LDHB: variants seen among roughly 807,000 people sequenced by gnomAD.
LDHB encodes L-lactate dehydrogenase B chain.
Under a neutral mutation model 33.4 loss-of-function variants are expected in LDHB, and 18 were observed. The observed-to-expected ratio is 0.54, with a 90% confidence interval of 0.37 to 0.80. The LOEUF (loss-of-function observed/expected upper bound fraction) is 0.80. LDHB is among the 30% of genes least tolerant of loss of function. The probability of loss-of-function intolerance (pLI) is 0.00; values close to 1 mark genes in which losing one functional copy is unlikely to be tolerated. For synonymous variants in LDHB, 121 were observed against 140.6 expected (o/e 0.86, Z 0.98); for missense variants, 345 against 407.9 (o/e 0.85, Z 1.33).
At chr12:21,641,927 A>C in intron 5 of LDHB, 25 bp downstream of exon 5, 1 of 1,586,748 alleles carries the variant, frequency 6.3e-7, no homozygotes, top group Non-Finnish European at 8.6e-7. Flanking sequence ...CATCACAAGT[A>C]ATTATTTCTT....
At chr12:21,638,628 C>T (rs1476285439) in intron 5 of LDHB, 158 bp from the exon 6 acceptor site, 2 of 621,748 alleles carry the variant, frequency 3.2e-6, no homozygotes, top group Non-Finnish European at 5.7e-6. Context: ...AGTATAGTTC[C>T]CCAAAAAGGC....
At chr12:21,647,114 C>A in intron 2 of LDHB, 98 bp from the exon 3 acceptor site, 2 of 732,502 alleles carry the variant, frequency 2.7e-6, no homozygotes, top group South Asian at 1.6e-5. Context: ...GGCTAAGCAC[C>A]AAAGATCTAA....
chr12:21,653,243 G>A (rs1049861390), intron 2 of LDHB, among the ~76,000 whole-genome samples: 1 of 152,190 alleles, frequency 6.6e-6, no homozygotes, highest in African/African-American at 2.4e-5. Flanking sequence ...AATGGTATTA[G>A]TGTTAAATCT....
intron 6 of LDHB, 39 bp downstream of exon 6, chr12:21,638,314 T>C (rs771387056): frequency 7.6e-6 from 8 of 1,056,474 alleles, no homozygotes; most frequent in South Asian, 2.5e-5. Flanking sequence ...TAAGTAGAGT[T>C]GAAATTAATC....
intron 5 of LDHB, among the ~76,000 whole-genome samples, chr12:21,640,612 A>G (rs1938347764): frequency 6.6e-6 from 1 of 152,098 alleles, no homozygotes; most frequent in Non-Finnish European, 1.5e-5. Flanking sequence ...CAGCAAATAC[A>G]ATGGATGTAA....
chr12:21,654,845 G>A (rs1448178421), intron 1 of LDHB, among the ~76,000 whole-genome samples, 168 bp from the exon 2 acceptor site: 1 of 151,990 alleles, frequency 6.6e-6, no homozygotes, highest in Non-Finnish European at 1.5e-5. Context: ...AGACCCGGCT[G>A]GGCATGGTGG....
chr12:21,654,355 G>A (rs1938777856), intron 2 of LDHB, 188 bp downstream of exon 2: 3 of 605,966 alleles, frequency 5.0e-6, no homozygotes, highest in Non-Finnish European at 8.7e-6. Flanking sequence ...GGTCACATAG[G>A]GAGAATATAA....
At position 21,638,443 on chromosome 12, in the gene LDHB, G is replaced by T; in HGVS notation, c.623C>A (p.Ala208Glu). The T allele has an allele frequency of 6.2e-7, 1 of 1,605,128 alleles. No homozygotes were observed. Among genetic ancestry groups the T allele is most frequent in the Non-Finnish European group, 8.5e-7 (1 of 1,174,894 alleles). ...SVAVWSGVNV[A>E]GVSLQELNPE... is the part of the protein sequence containing the mutation. Reference sequence around the variant, plus strand: ...ATTCAATTCCTGGAGAGAAACACCTGCCACATTCACACCACTCCACACAGC... The same window carrying T: ...ATTCAATTCCTGGAGAGAAACACCTTCCACATTCACACCACTCCACACAGC... The change falls in exon 6 of 8, where the codon GCA (alanine) becomes GAA (glutamate). Residue 208 changes from alanine (A) to glutamate (E), a missense_variant. Ala to Glu is a moderately radical substitution (Grantham distance 107, BLOSUM62 -1). Transcript: ENST00000350669.
chr12:21,642,302 G>A (rs958621241), intron 4 of LDHB, among the ~76,000 whole-genome samples, 177 bp from the exon 5 acceptor site: 2 of 151,972 alleles, frequency 1.3e-5, no homozygotes, highest in Non-Finnish European at 2.9e-5. Flanking sequence ...GAATGACAGT[G>A]ACAAAAACAA....
intron 5 of LDHB, among the ~76,000 whole-genome samples, chr12:21,639,149 C>T (rs368213306): frequency 1.3e-5 from 2 of 151,776 alleles, no homozygotes; most frequent in Non-Finnish European, 2.9e-5. Flanking sequence ...AAATAAGATC[C>T]CCTATTAGTC....
intron 2 of LDHB, among the ~76,000 whole-genome samples, chr12:21,650,488 A>G (rs1457119246): frequency 6.6e-6 from 1 of 152,238 alleles, no homozygotes; most frequent in African/African-American, 2.4e-5. Context: ...GAACATGGCT[A>G]CAGTTGACTG....
chr12:21,654,269 T>C, intron 2 of LDHB: 1 of 416,616 alleles, frequency 2.4e-6, no homozygotes, highest in Non-Finnish European at 4.4e-6. Flanking sequence ...ACATGGAGAA[T>C]TTTAAATGTT....
At chr12:21,646,343 G>C (rs1486937743) in intron 3 of LDHB, among the ~76,000 whole-genome samples, 1 of 152,228 alleles carries the variant, frequency 6.6e-6, no homozygotes, top group African/African-American at 2.4e-5. Context: ...TTAGGATAAA[G>C]ATAACTAGTG....
rs186868695 is a variant in LDHB at position 21,656,293 on chromosome 12, G to A, written c.-7+1458C>T. Among the ~76,000 whole-genome samples the A allele has an allele frequency of 2.0e-3, 299 of 152,282 alleles. 1 individual carries two copies. Among genetic ancestry groups the A allele is most frequent in the African/African-American group, 6.9e-3 (286 of 41,552 alleles). On this transcript the variant is annotated intron_variant, in intron 1 of 7. Coordinates refer to ENST00000350669, the MANE Select transcript of LDHB (RefSeq NM_002300.8). ...AAAAGGAGATTCTTTCGCCTTTACA[G>A]ATCACATTTACAGTTTCCTAGTGGA...
In LDHB at chr12:21,639,997, G is replaced by A. The variant is rs745615821; in HGVS notation, c.596-1527C>T. Among the ~76,000 whole-genome samples the A allele has an allele frequency of 1.0e-3, 159 of 151,990 alleles. 1 individual carries two copies. The highest frequency in any genetic ancestry group is 7.1e-4 in the Non-Finnish European group (48 of 67,888). On this transcript the variant is annotated intron_variant, in intron 5 of 7. Transcript: ENST00000350669. ...TAAAATTGCATTTCAAACTCCCACT[G>A]AATTCAAAGGAAGATTTATACTCTG...
intron 3 of LDHB, 61 bp downstream of exon 3, chr12:21,646,838 C>T: frequency 2.1e-6 from 2 of 950,534 alleles, no homozygotes; most frequent in Non-Finnish European, 3.5e-6. Context: ...AGATGCATTC[C>T]AAATGTGTTT....
At position 21,641,957 on chromosome 12, in the gene LDHB, G is replaced by C. The variant is rs764301938; in HGVS notation, c.590C>G (p.Ser197Ter). The C allele has an allele frequency of 4.3e-6, 7 of 1,609,570 alleles. No homozygotes were observed. In the South Asian group the frequency reaches 7.8e-5, roughly 18 times the overall value. ...HGWILGEHGD[S>*]SVAVWSGVNV... is the part of the protein sequence containing the mutation. ...TTTCTTTTTTTTTTCTTTACCACTT[G>C]AGTCGCCATGTTCCCCCAAAATCCA... The change falls in exon 5 of 8, where the codon TCA becomes TGA. Residue 197 changes from serine (S) to a stop codon, truncating the protein, a stop_gained. Transcript: ENST00000350669. LOFTEE classifies it high-confidence loss of function.
intron 7 of LDHB, 149 bp downstream of exon 7, chr12:21,636,922 G>A: frequency 1.4e-6 from 1 of 739,038 alleles, no homozygotes; most frequent in Non-Finnish European, 2.4e-6. Flanking sequence ...CAAGACTTCT[G>A]TTGGAAAATG....
intron 5 of LDHB, among the ~76,000 whole-genome samples, chr12:21,638,833 A>G (rs545136953): frequency 6.6e-6 from 1 of 152,134 alleles, no homozygotes; most frequent in African/African-American, 2.4e-5. Context: ...TTTCTCCTCC[A>G]TATTTTTCTA....
Sources: gnomAD v4.1 joint callset for allele counts (sites outside exome capture counted in the v4.1 genomes callset) on GRCh38, gnomAD v4.1.1 for gene constraint, MANE v1.5 for transcripts, NCBI Gene and HGNC (gene_info 2026-07-23, HGNC 2026-07-21) for gene names.